Variants in RUFY3 observed in about 807,000 individuals in gnomAD.
The protein encoded by RUFY3 is RUN and FYVE domain containing 3, also known as protein RUFY3.
RUFY3 carries 34 observed loss-of-function variants against 84.0 expected under a neutral mutation model. The ratio of observed to expected loss-of-function variants is 0.40; its 90% CI spans 0.31 to 0.54. RUFY3 has a LOEUF of 0.54. RUFY3 is among the 20% of genes least tolerant of loss of function. The pLI, the probability that RUFY3 is intolerant of heterozygous loss-of-function variation, is 0.39. For missense variants in RUFY3, 507 were observed against 736.8 expected (o/e 0.69, Z 3.61); for synonymous variants, 242 against 252.9 (o/e 0.96, Z 0.41).
intron 12 of RUFY3, chr4:70,791,255 C>T (rs1730768636): frequency 6.2e-7 from 1 of 1,613,362 alleles, no homozygotes; most frequent in Non-Finnish European, 8.5e-7. Flanking sequence ...AGGCAAAGAC[C>T]TTAAATAGTG....
intron 1 of RUFY3, among the ~76,000 whole-genome samples, chr4:70,757,955 G>T (rs950520901): frequency 3.3e-5 from 5 of 152,186 alleles, no homozygotes; most frequent in African/African-American, 1.2e-4. Flanking sequence ...CATAGGAAAA[G>T]CTTGACTGAT....
At chr4:70,731,071 G>A (rs891365170) in intron 1 of RUFY3, among the ~76,000 whole-genome samples, 9 of 147,088 alleles carry the variant, frequency 6.1e-5, no homozygotes, top group African/African-American at 1.8e-4. Context: ...ACGGAGTCTC[G>A]CTCTTGTCCA....
chr4:70,789,556 A>G lies in RUFY3; in HGVS notation c.1301A>G (p.Asn434Ser), dbSNP rs759745633. The G allele has an allele frequency of 6.2e-7, 1 of 1,613,164 alleles. No individual in the cohort carries two copies. The highest frequency in any genetic ancestry group is 1.7e-5 in the Admixed American group (1 of 59,994). Reference sequence around the variant, plus strand: ...AACAGTCGCTTGGAAGAGAAGACTAATCAGATGGCTGCTACCATTAAACAA... The same window carrying G: ...AACAGTCGCTTGGAAGAGAAGACTAGTCAGATGGCTGCTACCATTAAACAA... ...ELNSRLEEKT[N>S]QMAATIKQLE... Residue 434 changes from asparagine to serine, a missense_variant, in exon 12 of 18, where the codon AAT becomes AGT. Asn to Ser is a conservative substitution (Grantham distance 46). Coordinates refer to ENST00000381006, the MANE Select transcript of RUFY3 (RefSeq NM_001037442.4).
chr4:70,798,025 T>G (rs1731746669), intron 14 of RUFY3, among the ~76,000 whole-genome samples: 1 of 152,158 alleles, frequency 6.6e-6, no homozygotes, highest in East Asian at 1.9e-4. Flanking sequence ...TGCAGTGGCA[T>G]TTCCAGGAGG....
intron 15 of RUFY3, among the ~76,000 whole-genome samples, chr4:70,800,733 T>C (rs1732119357): frequency 2.0e-5 from 3 of 151,474 alleles, no homozygotes; most frequent in African/African-American, 4.9e-5. Context: ...CGATACAAAA[T>C]TAGTCGGGTC....
chr4:70,784,449 G>A (rs992597857), intron 9 of RUFY3, among the ~76,000 whole-genome samples: 4 of 151,834 alleles, frequency 2.6e-5, no homozygotes, highest in Admixed American at 2.0e-4. Context: ...AGCCACTGCA[G>A]TCCAGCCTGG....
chr4:70,760,728 C>T (rs892272088), intron 1 of RUFY3, among the ~76,000 whole-genome samples: 24 of 152,172 alleles, frequency 1.6e-4, no homozygotes, highest in Non-Finnish European at 4.4e-5. Context: ...AGTTGATCTA[C>T]ATTTAAGCTA....
intron 1 of RUFY3, among the ~76,000 whole-genome samples, chr4:70,714,207 G>A (rs920279208): frequency 2.0e-5 from 3 of 152,016 alleles, no homozygotes; most frequent in East Asian, 1.9e-4. Context: ...ATCACCTCCC[G>A]TAACTGGAAT....
At chr4:70,744,463 C>A (rs968664695) in intron 1 of RUFY3, among the ~76,000 whole-genome samples, 1 of 151,746 alleles carries the variant, frequency 6.6e-6, no homozygotes, top group Non-Finnish European at 1.5e-5. Flanking sequence ...AGCCTCCCAA[C>A]GCACTAGGAT....
chr4:70,753,970 T>C (rs1024334176), intron 1 of RUFY3, among the ~76,000 whole-genome samples: 1 of 152,132 alleles, frequency 6.6e-6, no homozygotes, highest in East Asian at 1.9e-4. Flanking sequence ...TGATGACAAG[T>C]CCTAACTCAG....
At chr4:70,769,362 G>A (rs911437839) in intron 5 of RUFY3, among the ~76,000 whole-genome samples, 2 of 152,108 alleles carry the variant, frequency 1.3e-5, no homozygotes, top group Non-Finnish European at 2.9e-5. Context: ...AAGTTTGTTT[G>A]CATTATACTG....
At chr4:70,776,750 T>G (rs2148752027) in intron 7 of RUFY3, among the ~76,000 whole-genome samples, 1 of 152,304 alleles carries the variant, frequency 6.6e-6, no homozygotes, top group East Asian at 1.9e-4. Flanking sequence ...CACTCCAGCA[T>G]GGGCAACCGA....
intron 1 of RUFY3, among the ~76,000 whole-genome samples, chr4:70,750,876 A>G (rs369212934): frequency 1.3e-5 from 2 of 152,128 alleles, no homozygotes; most frequent in African/African-American, 2.4e-5. Context: ...TTCACTTAGT[A>G]TATGTTTTCA....
chr4:70,785,363 T>C (rs1297479121), intron 10 of RUFY3, among the ~76,000 whole-genome samples: 5 of 152,036 alleles, frequency 3.3e-5, no homozygotes, highest in Non-Finnish European at 7.4e-5. Flanking sequence ...TTAAAAAAAA[T>C]ACATATCAAT....
At chr4:70,761,618 T>G (rs928935000) in intron 1 of RUFY3, among the ~76,000 whole-genome samples, 2 of 152,202 alleles carry the variant, frequency 1.3e-5, no homozygotes, top group Non-Finnish European at 2.9e-5. Context: ...TAGCCCACAG[T>G]GCTGGCACAG....
chr4:70,768,476 C>T (rs1024601210), intron 4 of RUFY3, 62 bp from the exon 5 acceptor site: 8 of 1,551,596 alleles, frequency 5.2e-6, no homozygotes, highest in Middle Eastern at 2.0e-4. Context: ...CCATTTTTGT[C>T]CTTGTCTCTG....
At chr4:70,797,342 G>A (rs1024297376) in intron 14 of RUFY3, among the ~76,000 whole-genome samples, 3 of 152,090 alleles carry the variant, frequency 2.0e-5, no homozygotes, top group African/African-American at 4.8e-5. Context: ...ATTTTGGTGC[G>A]AAATATTTTT....
chr4:70,806,436 C>T, intron 17 of RUFY3, 80 bp from the exon 18 acceptor site: 1 of 1,495,662 alleles, frequency 6.7e-7, no homozygotes. Flanking sequence ...TGAGCATTTG[C>T]CATATTTGGC....
intron 1 of RUFY3, among the ~76,000 whole-genome samples, chr4:70,726,777 T>G (rs1187681166): frequency 6.6e-6 from 1 of 152,176 alleles, no homozygotes; most frequent in East Asian, 1.9e-4. Context: ...CTAATTTACA[T>G]TAAGAGTTGG....
Sources: allele counts gnomAD v4.1 joint callset (sites outside exome capture counted in the v4.1 genomes callset), GRCh38; gene constraint gnomAD v4.1.1; transcripts MANE v1.5; gene names NCBI Gene and HGNC (gene_info 2026-07-23, HGNC 2026-07-21).